The following LRP1B variants were observed in gnomAD, a reference collection of about 807,000 sequenced individuals.
LRP1B encodes low-density lipoprotein receptor-related protein 1B.
Under a neutral mutation model 556.6 loss-of-function variants are expected in LRP1B, and 217 were observed. That is an observed-to-expected ratio of 0.39 (90% CI 0.35 to 0.44). The LOEUF (loss-of-function observed/expected upper bound fraction) is 0.44. Among genes scored for constraint, LRP1B ranks in the 20% least tolerant of loss-of-function variants. LRP1B has a pLI of 1.00. For missense variants in LRP1B, 5,053 were observed against 5,620.8 expected (o/e 0.90, Z 3.23); for synonymous variants, 2,047 against 1,865.8 (o/e 1.10, Z -2.50).
chr2:141,339,465 C>A (rs568415442), intron 3 of LRP1B, among the ~76,000 whole-genome samples: 91 of 152,246 alleles, frequency 6.0e-4, no homozygotes, highest in African/African-American at 2.1e-3. Context: ...TTACCATATG[C>A]TAGATGTATG....
chr2:140,269,880 T>TG (rs561302649), intron 86 of LRP1B, among the ~76,000 whole-genome samples: 3,100 of 151,974 alleles, frequency 0.02, 38 homozygotes, highest in African/African-American at 0.029. Flanking sequence ...CAAGTTCTTG[T>TG]GAAAAAAAAT....
chr2:141,008,041 A>G (rs1244352466), intron 14 of LRP1B, among the ~76,000 whole-genome samples: 1 of 151,414 alleles, frequency 6.6e-6, no homozygotes, highest in Non-Finnish European at 1.5e-5. Context: ...AATTTCATTA[A>G]TATGTTCCAG....
intron 2 of LRP1B, among the ~76,000 whole-genome samples, chr2:141,631,654 G>A (rs917882467): frequency 3.3e-5 from 5 of 151,362 alleles, no homozygotes; most frequent in Non-Finnish European, 7.4e-5. Context: ...TGTAAGGAAA[G>A]TTACTTTGTA....
chr2:140,970,415 G>A (rs570204938), intron 18 of LRP1B, among the ~76,000 whole-genome samples: 1 of 152,180 alleles, frequency 6.6e-6, no homozygotes, highest in South Asian at 2.1e-4. Context: ...ATTCTAGTTA[G>A]CCACTCGTCT....
At chr2:140,369,648 C>T (rs2105162133) in intron 71 of LRP1B, among the ~76,000 whole-genome samples, 1 of 151,188 alleles carries the variant, frequency 6.6e-6, no homozygotes, top group East Asian at 2.0e-4. Flanking sequence ...GTTAACCCTG[C>T]TCTGCAAGGA....
At chr2:140,666,507 C>T (rs113974085) in intron 41 of LRP1B, among the ~76,000 whole-genome samples, 19 of 152,148 alleles carry the variant, frequency 1.2e-4, no homozygotes, top group Middle Eastern at 3.4e-3. Context: ...GAGAATGTCA[C>T]TTGGCCCAGG....
intron 1 of LRP1B, among the ~76,000 whole-genome samples, chr2:142,000,124 G>C (rs1702611819): frequency 6.6e-6 from 1 of 151,758 alleles, no homozygotes; most frequent in African/African-American, 2.4e-5. Context: ...TGAACTTAAG[G>C]TTATATGTTA....
chr2:140,740,745 C>T (rs944801464), intron 35 of LRP1B, among the ~76,000 whole-genome samples: 1 of 152,150 alleles, frequency 6.6e-6, no homozygotes, highest in Non-Finnish European at 1.5e-5. Flanking sequence ...CATTCTGAGG[C>T]CTCGATCTTG....
chr2:140,765,802 T>C (rs184564658), intron 35 of LRP1B, among the ~76,000 whole-genome samples: 16 of 152,284 alleles, frequency 1.1e-4, no homozygotes, highest in South Asian at 2.1e-4. Context: ...AATATCATGG[T>C]AATGAAATAG....
At chr2:140,550,594 C>T (rs909568301) in intron 43 of LRP1B, among the ~76,000 whole-genome samples, 26 of 152,130 alleles carry the variant, frequency 1.7e-4, no homozygotes, top group African/African-American at 6.0e-4. Context: ...ATTTTCACAT[C>T]ACTGTCAGTC....
intron 2 of LRP1B, among the ~76,000 whole-genome samples, chr2:141,672,205 A>AACTAGAT (rs2105414422): frequency 6.6e-6 from 1 of 152,204 alleles, no homozygotes; most frequent in Admixed American, 6.6e-5. Flanking sequence ...TACTACAGAC[A>AACTAGAT]ACTAGATAAT....
intron 3 of LRP1B, among the ~76,000 whole-genome samples, chr2:141,269,329 C>T (rs1163399759): frequency 6.6e-6 from 1 of 152,040 alleles, no homozygotes; most frequent in African/African-American, 2.4e-5. Context: ...TCTAAATCTC[C>T]TGAAAAGTAG....
intron 47 of LRP1B, 56 bp from the exon 48 acceptor site, chr2:140,526,406 T>A: frequency 9.4e-7 from 1 of 1,069,266 alleles, no homozygotes; most frequent in Non-Finnish European, 1.4e-6. Flanking sequence ...ACTCCTTGCT[T>A]TTACATTTTG....
chr2:141,264,520 A>G (rs930737857), intron 3 of LRP1B, among the ~76,000 whole-genome samples: 2 of 152,096 alleles, frequency 1.3e-5, no homozygotes, highest in African/African-American at 4.8e-5. Flanking sequence ...CAATGGAACC[A>G]TCTCCCCTCA....
intron 7 of LRP1B, among the ~76,000 whole-genome samples, chr2:141,086,618 TTGTGTGTGTGTGTGTG>T (rs10608029): frequency 1.8e-4 from 26 of 148,176 alleles, no homozygotes; most frequent in East Asian, 1.4e-3. Flanking sequence ...AGTATAATAT[TTGTGTGTGTGTGTGTG>T]TGTGTGTGTG....
At chr2:140,979,147 T>A (rs757117890) in intron 18 of LRP1B, among the ~76,000 whole-genome samples, 1 of 151,974 alleles carries the variant, frequency 6.6e-6, no homozygotes, top group Non-Finnish European at 1.5e-5. Flanking sequence ...ACCGGCTTAT[T>A]TTTGTATATT....
chr2:141,386,478 C>T (rs916885794), intron 3 of LRP1B, among the ~76,000 whole-genome samples: 2 of 151,986 alleles, frequency 1.3e-5, no homozygotes, highest in Non-Finnish European at 2.9e-5. Context: ...ATAGAAGAGT[C>T]ACTTTATATG....
chr2:141,517,273 G>GAC (rs757486771), intron 2 of LRP1B, among the ~76,000 whole-genome samples: 11 of 149,994 alleles, frequency 7.3e-5, no homozygotes, highest in Admixed American at 2.7e-4. Context: ...CACACACACA[G>GAC]ACACACACAC....
intron 79 of LRP1B, among the ~76,000 whole-genome samples, chr2:140,330,199 C>CAATAATAATAAT (rs70985089): frequency 0.022 from 3,091 of 137,902 alleles, 50 homozygotes; most frequent in Middle Eastern, 0.047. Context: ...GACTCTGTCT[C>CAATAATAATAAT]AATAATAATA....
Sources: gnomAD v4.1 joint callset for allele counts (sites outside exome capture counted in the v4.1 genomes callset) on GRCh38, gnomAD v4.1.1 for gene constraint, MANE v1.5 for transcripts, NCBI Gene and HGNC (gene_info 2026-07-23, HGNC 2026-07-21) for gene names.